Variants in SGCZ observed in about 807,000 individuals in gnomAD.
SGCZ encodes sarcoglycan zeta.
A neutral mutation model predicts 41.3 loss-of-function variants in SGCZ; 40 were observed. That is an observed-to-expected ratio of 0.97 (90% CI 0.75 to 1.26). SGCZ has a LOEUF of 1.26. Among genes scored for constraint, SGCZ ranks in the 50% most tolerant of loss-of-function variants. The probability of loss-of-function intolerance (pLI) is 0.00; values close to 1 mark genes in which losing one functional copy is unlikely to be tolerated. For missense variants in SGCZ, 552 were observed against 369.8 expected (o/e 1.49, Z -4.04); for synonymous variants, 206 against 137.5 (o/e 1.50, Z -3.49).
chr8:14,246,285 T>C (rs1445489557), intron 3 of SGCZ, among the ~76,000 whole-genome samples: 3 of 152,188 alleles, frequency 2.0e-5, no homozygotes, highest in South Asian at 2.1e-4. Flanking sequence ...GATGAGTTCA[T>C]GTCCTTTGTA....
chr8:15,033,822 T>C (rs1030914795), intron 1 of SGCZ, among the ~76,000 whole-genome samples: 1 of 152,028 alleles, frequency 6.6e-6, no homozygotes, highest in African/African-American at 2.4e-5. Context: ...AATCAACAGA[T>C]TGACTCCAGT....
intron 4 of SGCZ, among the ~76,000 whole-genome samples, chr8:14,234,396 T>C (rs550798932): frequency 6.6e-6 from 1 of 152,154 alleles, no homozygotes; most frequent in Non-Finnish European, 1.5e-5. Flanking sequence ...ATATTCGCTT[T>C]GCTGAAACTA....
At chr8:14,636,024 C>T (rs908269434) in intron 1 of SGCZ, among the ~76,000 whole-genome samples, 1 of 151,688 alleles carries the variant, frequency 6.6e-6, no homozygotes, top group Non-Finnish European at 1.5e-5. Flanking sequence ...AAGAGCTGTC[C>T]AAATTAGGCC....
intron 4 of SGCZ, among the ~76,000 whole-genome samples, chr8:14,224,850 T>C (rs1043934930): frequency 2.0e-5 from 3 of 152,182 alleles, no homozygotes; most frequent in Non-Finnish European, 2.9e-5. Context: ...CTACTTGCTC[T>C]TGTTACTTAT....
intron 1 of SGCZ, among the ~76,000 whole-genome samples, chr8:14,707,317 A>G (rs1305344496): frequency 6.6e-6 from 1 of 151,826 alleles, no homozygotes; most frequent in African/African-American, 2.4e-5. Context: ...TGAGCTCTTG[A>G]TGTGTGTACA....
At chr8:14,571,409 A>C (rs1804548884) in intron 1 of SGCZ, among the ~76,000 whole-genome samples, 1 of 152,178 alleles carries the variant, frequency 6.6e-6, no homozygotes, top group Non-Finnish European at 1.5e-5. Flanking sequence ...TGTTTTTAGC[A>C]ACACCTGTCC....
intron 5 of SGCZ, among the ~76,000 whole-genome samples, chr8:14,109,271 T>C (rs1247424483): frequency 1.3e-5 from 2 of 152,204 alleles, no homozygotes; most frequent in African/African-American, 4.8e-5. Flanking sequence ...TCAACTTTCA[T>C]TTACTGAATC....
intron 1 of SGCZ, among the ~76,000 whole-genome samples, chr8:15,159,743 C>G (rs1482506535): frequency 7.3e-5 from 2 of 27,340 alleles, no homozygotes; most frequent in African/African-American, 2.5e-4. Context: ...CCCCCCCACC[C>G]TCCCCCCCAC....
chr8:14,759,929 C>T (rs565220119), intron 1 of SGCZ, among the ~76,000 whole-genome samples: 1 of 152,248 alleles, frequency 6.6e-6, no homozygotes, highest in African/African-American at 2.4e-5. Flanking sequence ...GGCTCTGGGA[C>T]AAATTTCTTT....
intron 1 of SGCZ, among the ~76,000 whole-genome samples, chr8:14,771,707 C>G (rs1800245636): frequency 2.0e-5 from 3 of 152,178 alleles, no homozygotes; most frequent in South Asian, 2.1e-4. Context: ...GTGGAATGTT[C>G]TCTTCACGAA....
intron 1 of SGCZ, among the ~76,000 whole-genome samples, chr8:15,105,460 G>C (rs894750582): frequency 6.6e-6 from 1 of 152,142 alleles, no homozygotes; most frequent in Admixed American, 6.6e-5. Flanking sequence ...CAGAAGGTGA[G>C]GGGGAAGTAA....
At chr8:15,104,642 T>A (rs1159975267) in intron 1 of SGCZ, among the ~76,000 whole-genome samples, 1 of 152,250 alleles carries the variant, frequency 6.6e-6, no homozygotes, top group Admixed American at 6.5e-5. Flanking sequence ...TATCAATATA[T>A]TAATTTTTAC....
intron 2 of SGCZ, among the ~76,000 whole-genome samples, chr8:14,421,649 C>A (rs1799640388): frequency 1.3e-5 from 2 of 152,110 alleles, no homozygotes; most frequent in Non-Finnish European, 1.5e-5. Context: ...TCTGCTGAGA[C>A]TTCAACATAA....
chr8:14,553,044 T>C (rs1374902165), intron 2 of SGCZ, among the ~76,000 whole-genome samples: 4 of 151,950 alleles, frequency 2.6e-5, no homozygotes, highest in Admixed American at 6.6e-5. Context: ...AGGCTGAAAA[T>C]GTTTTCAGCA....
At chr8:14,536,484 C>G (rs1307769841) in intron 2 of SGCZ, among the ~76,000 whole-genome samples, 1 of 151,310 alleles carries the variant, frequency 6.6e-6, no homozygotes, top group Non-Finnish European at 1.5e-5. Flanking sequence ...TGCTTCAGAT[C>G]AAATAAAACC....
chr8:15,121,827 G>A (rs889940339), intron 1 of SGCZ, among the ~76,000 whole-genome samples: 2 of 149,568 alleles, frequency 1.3e-5, no homozygotes, highest in African/African-American at 4.9e-5. Flanking sequence ...GCAGAAGACA[G>A]CAGTATGTTC....
intron 3 of SGCZ, among the ~76,000 whole-genome samples, chr8:14,243,970 T>C (rs538701053): frequency 6.6e-6 from 1 of 152,308 alleles, no homozygotes; most frequent in Admixed American, 6.5e-5. Context: ...TCATACAGAC[T>C]TTTAAAAGTA....
intron 1 of SGCZ, among the ~76,000 whole-genome samples, chr8:14,663,537 A>T: frequency 6.6e-6 from 1 of 152,172 alleles, no homozygotes; most frequent in East Asian, 1.9e-4. Flanking sequence ...TCCTATCTGT[A>T]AATGAAAATA....
intron 4 of SGCZ, among the ~76,000 whole-genome samples, chr8:14,170,421 T>C (rs56410606): frequency 0.09 from 13,637 of 152,148 alleles, 864 homozygotes; most frequent in Non-Finnish European, 0.14. Flanking sequence ...ATTCCTAAAA[T>C]AATAATATTA....
Sources: allele counts gnomAD v4.1 joint callset (sites outside exome capture counted in the v4.1 genomes callset), GRCh38; gene constraint gnomAD v4.1.1; transcripts MANE v1.5; gene names NCBI Gene and HGNC (gene_info 2026-07-23, HGNC 2026-07-21).